The following BANK1 variants were observed in gnomAD, a reference collection of about 807,000 sequenced individuals.
The protein encoded by BANK1 is B-cell scaffold protein with ankyrin repeats.
Under a neutral mutation model 94.5 loss-of-function variants are expected in BANK1, and 95 were observed. That is an observed-to-expected ratio of 1.00 (90% confidence interval 0.85 to 1.19). The LOEUF (loss-of-function observed/expected upper bound fraction) is 1.19. BANK1 is among the 50% of genes most tolerant of loss of function. The probability of loss-of-function intolerance (pLI) is 0.00; values close to 1 mark genes in which losing one functional copy is unlikely to be tolerated. For synonymous variants in BANK1, 334 were observed against 308.4 expected (o/e 1.08, Z -0.87); for missense variants, 987 against 932.2 (o/e 1.06, Z -0.77).
At chr4:101,862,226 C>T (rs1727904117) in intron 3 of BANK1, among the ~76,000 whole-genome samples, 1 of 151,878 alleles carries the variant, frequency 6.6e-6, no homozygotes, top group Non-Finnish European at 1.5e-5. Flanking sequence ...TACAGAGAGC[C>T]ATATTGAGGA....
chr4:102,021,638 T>TA (rs756620289), intron 8 of BANK1, 46 bp downstream of exon 8: 3 of 766,568 alleles, frequency 3.9e-6, no homozygotes, highest in Admixed American at 7.2e-5. Context: ...TTCATATATA[T>TA]ATCACATATA....
At chr4:101,823,306 A>G (rs1278227630) in intron 1 of BANK1, among the ~76,000 whole-genome samples, 1 of 152,238 alleles carries the variant, frequency 6.6e-6, no homozygotes, top group Non-Finnish European at 1.5e-5. Context: ...TATATAAATC[A>G]TGTAGACAAT....
chr4:101,867,697 T>G (rs1018513556), intron 4 of BANK1, among the ~76,000 whole-genome samples: 4 of 151,504 alleles, frequency 2.6e-5, no homozygotes, highest in Admixed American at 6.6e-5. Flanking sequence ...TACTAAAAAT[T>G]TTTTAAAAGC....
At chr4:102,037,460 T>C (rs1377112614) in intron 10 of BANK1, among the ~76,000 whole-genome samples, 1 of 152,212 alleles carries the variant, frequency 6.6e-6, no homozygotes, top group African/African-American at 2.4e-5. Flanking sequence ...TCACTTTAGA[T>C]TTCTTGAATT....
At position 101,958,464 on chromosome 4, in the gene BANK1, C is replaced by CT. The variant is rs35066662; in HGVS notation, c.1206+40294dup. 1.7e-3 allele frequency among the ~76,000 whole-genome samples: 185 copies of CT among 110,732 alleles called. 2 individuals carry two copies. Among genetic ancestry groups the CT allele is most frequent in the Middle Eastern group, 4.8e-3 (1 of 208 alleles). The allele number at this position is 110,732 out of a possible 152,430, so 72.6% of individuals were successfully genotyped here. A position where few individuals can be genotyped will look rare whatever the true frequency, so the allele number is the denominator to read the frequency against. On this transcript the variant is annotated intron_variant, in intron 7 of 16. Transcript: ENST00000322953. ...TTTGCTTTGCAGACTGCCCCCCATG[C>CT]TTTTTTTTTTTTTTTTTTTCTTAAA...
At chr4:101,910,854 C>T (rs1722641269) in intron 6 of BANK1, among the ~76,000 whole-genome samples, 1 of 151,954 alleles carries the variant, frequency 6.6e-6, no homozygotes, top group South Asian at 2.1e-4. Context: ...CTTCTAGATA[C>T]TGAAGGAAAG....
chr4:101,978,940 TA>T (rs1265026995), intron 7 of BANK1, among the ~76,000 whole-genome samples: 1 of 152,074 alleles, frequency 6.6e-6, no homozygotes, highest in Non-Finnish European at 1.5e-5. Flanking sequence ...TACTTGTATT[TA>T]AAATTGGTAG....
chr4:101,908,546 A>C (rs192891367), intron 6 of BANK1, among the ~76,000 whole-genome samples: 3 of 152,242 alleles, frequency 2.0e-5, no homozygotes, highest in African/African-American at 7.2e-5. Context: ...AAAAGCCAAA[A>C]TTGACAAATG....
chr4:101,950,786 G>A (rs1724122483), intron 7 of BANK1, among the ~76,000 whole-genome samples: 1 of 152,108 alleles, frequency 6.6e-6, no homozygotes, highest in Admixed American at 6.6e-5. Context: ...GGAATGATGA[G>A]TCATGTTGAT....
chr4:101,911,394 C>A (rs912480304), intron 6 of BANK1, among the ~76,000 whole-genome samples: 1 of 152,130 alleles, frequency 6.6e-6, no homozygotes, highest in African/African-American at 2.4e-5. Flanking sequence ...ACCTCAGATA[C>A]TCTTTTCATT....
At position 102,062,765 on chromosome 4, in the gene BANK1, A is replaced by G. The variant is rs527760089; in HGVS notation, c.2149-310A>G. The G allele has an allele frequency of 2.4e-5, 6 of 251,652 alleles. No homozygotes were observed. The South Asian group carries it at 2.7e-4, about 11-fold the overall frequency. 15.6% of individuals were successfully genotyped at this position (251,652 alleles called of 1,614,324 possible). ...ATTGGGTTGGCAAAACAACTTCCCA[A>G]AGAATTGCACTCTAGGATCCAATCT... is the stretch of plus-strand genomic sequence containing the variant. On this transcript the variant is annotated intron_variant, in intron 12 of 16. Transcript: ENST00000322953.
At chr4:101,863,517 T>G (rs1727959726) in intron 4 of BANK1, among the ~76,000 whole-genome samples, 2 of 152,122 alleles carry the variant, frequency 1.3e-5, no homozygotes, top group African/African-American at 4.8e-5. Flanking sequence ...TTGAACATTT[T>G]TTCCTTTTAA....
chr4:102,065,681 G>C (rs1354148816), intron 13 of BANK1, among the ~76,000 whole-genome samples: 5 of 151,694 alleles, frequency 3.3e-5, no homozygotes, highest in Admixed American at 6.6e-5. Context: ...GTTTAAAGGA[G>C]AGAATAAATA....
intron 7 of BANK1, among the ~76,000 whole-genome samples, chr4:101,985,120 T>C (rs1184540859): frequency 1.3e-5 from 2 of 152,044 alleles, no homozygotes; most frequent in African/African-American, 4.8e-5. Context: ...GTGGTTCCAG[T>C]CCAAATCTGA....
intron 2 of BANK1, among the ~76,000 whole-genome samples, chr4:101,836,858 G>T (rs1384106222): frequency 1.3e-5 from 2 of 152,128 alleles, no homozygotes; most frequent in Non-Finnish European, 2.9e-5. Flanking sequence ...AAAGCCATCG[G>T]CTCGGCACTA....
At chr4:101,936,355 A>G (rs1173630586) in intron 7 of BANK1, among the ~76,000 whole-genome samples, 10 of 148,774 alleles carry the variant, frequency 6.7e-5, no homozygotes, top group African/African-American at 2.2e-4. Flanking sequence ...ATACATGTAT[A>G]CATACATGCA....
chr4:102,055,584 A>G (rs889385388), intron 11 of BANK1, among the ~76,000 whole-genome samples: 1 of 152,064 alleles, frequency 6.6e-6, no homozygotes, highest in African/African-American at 2.4e-5. Flanking sequence ...ACATGCCAGA[A>G]AACCTGAAAA....
intron 5 of BANK1, among the ~76,000 whole-genome samples, chr4:101,887,610 C>T (rs548234625): frequency 1.6e-3 from 251 of 152,250 alleles, no homozygotes; most frequent in African/African-American, 5.8e-3. Context: ...GCTAATGAGT[C>T]CTGGAGCAGG....
At chr4:102,061,419 A>T (rs534165202) in intron 12 of BANK1, 9 of 152,154 alleles carry the variant, frequency 5.9e-5, no homozygotes, top group African/African-American at 9.7e-5. Context: ...GGCAGTTGTT[A>T]TGTTGCCAAA....
Sources: allele counts gnomAD v4.1 joint callset (sites outside exome capture counted in the v4.1 genomes callset), GRCh38; gene constraint gnomAD v4.1.1; transcripts MANE v1.5; gene names NCBI Gene and HGNC (gene_info 2026-07-23, HGNC 2026-07-21).